DYRK4: variants seen among roughly 807,000 people sequenced by gnomAD.
DYRK4 encodes the protein dual specificity tyrosine phosphorylation regulated kinase 4.
DYRK4 carries 64 observed loss-of-function variants against 68.3 expected under a neutral mutation model. The ratio of observed to expected loss-of-function variants is 0.94; its 90% CI spans 0.77 to 1.15. DYRK4 has a LOEUF of 1.15. Among genes scored for constraint, DYRK4 ranks in the 50% most tolerant of loss-of-function variants. The pLI, the probability that DYRK4 is intolerant of heterozygous loss-of-function variation, is 0.00. For missense variants in DYRK4, 740 were observed against 764.7 expected (o/e 0.97, Z 0.38); for synonymous variants, 274 against 289.9 (o/e 0.95, Z 0.56).
chr12:4,565,233 G>A (rs1944664762), intron 1 of DYRK4, among the ~76,000 whole-genome samples: 1 of 152,224 alleles, frequency 6.6e-6, no homozygotes, highest in South Asian at 2.1e-4. Flanking sequence ...AAGTTGTACT[G>A]TTGGAAGCCA....
intron 4 of DYRK4, chr12:4,590,806 C>T: frequency 2.5e-6 from 1 of 401,200 alleles, no homozygotes; most frequent in Non-Finnish European, 4.3e-6. Context: ...AGAGGCGTCA[C>T]ACACACATAA....
At position 4,612,536 on chromosome 12, in the gene DYRK4, G is replaced by T. The variant is rs769779939; in HGVS notation, c.1491-7G>T. On this transcript the variant is annotated splice_polypyrimidine_tract_variant and splice_region_variant and intron_variant, in intron 13 of 14. Coordinates refer to ENST00000543431, the MANE Select transcript of DYRK4 (RefSeq NM_001394779.1). ...AATAACCCATGTGGGGCTTTGTTGG[G>T]GTGCAGATGGGAACCTTCTCTTCGC... 2.5e-6 allele frequency: 4 copies of T among 1,611,522 alleles called. No individual in the cohort carries two copies. The African/African-American group carries it at 4.0e-5, about 16-fold the overall frequency.
rs528271511 is a variant in DYRK4, at chr12:4,591,501, C to T, written c.463+203C>T. On this transcript the variant is annotated intron_variant, in intron 5 of 14. Transcript: ENST00000543431. The surrounding 1 kb of genome is among the most constrained non-coding windows in gnomAD (Gnocchi z 4.1). The stretch of plus-strand genomic sequence containing the variant: ...GAGGCTGAATAGGAGGCTGAATTTC[C>T]CCCAAGGAGTGGCTCTGGGCAAGGG... 33 of 681,628 alleles carry T rather than the reference C, an allele frequency of 4.8e-5. No individual in the cohort carries two copies. The Admixed American group carries it at 7.3e-4, about 15-fold the overall frequency. 42.2% of individuals were successfully genotyped at this position (681,628 alleles called of 1,614,324 possible).
At chr12:4,563,618 A>C (rs1182874540) in intron 1 of DYRK4, among the ~76,000 whole-genome samples, 1 of 152,364 alleles carries the variant, frequency 6.6e-6, no homozygotes, top group East Asian at 1.9e-4. Context: ...TTGAGATCAC[A>C]AAGAACTGGA....
rs59643333 is a variant in DYRK4 at position 4,605,755 on chromosome 12, T to TTC, written c.1299+669_1299+670insTC. On this transcript the variant is annotated intron_variant, in intron 11 of 14. Coordinates refer to ENST00000543431, the MANE Select transcript of DYRK4 (RefSeq NM_001394779.1). ...TTTTTTTTTTTTTTTTTTTTTTTTT[T>TTC]CCAAATTAATGCCTATACCCATAGG... Among the ~76,000 whole-genome samples the TTC allele has an allele frequency of 5.9e-4, 60 of 102,300 alleles. 1 individual carries two copies. The highest frequency in any genetic ancestry group is 4.1e-3 in the Admixed American group (39 of 9,488). The allele number at this position is 102,300 out of a possible 152,430, so 67.1% of individuals were successfully genotyped here. A position where few individuals can be genotyped will look rare whatever the true frequency, so the allele number is the denominator to read the frequency against.
rs112159539 is a variant in DYRK4, at chr12:4,613,441, A to G, written c.1667-74A>G. ...GGTCATCGTTTCCACTAAGTGATGT[A>G]CAACCTAAAGGACAATTAACATATA... On this transcript the variant is annotated intron_variant, in intron 14 of 14. Transcript: ENST00000543431. The surrounding 1 kb of genome is among the most constrained non-coding windows in gnomAD (Gnocchi z 4.0). The G allele has an allele frequency of 9.2e-6, 14 of 1,521,646 alleles. No individual in the cohort carries two copies. In the South Asian group the frequency reaches 1.4e-4, roughly 16 times the overall value. The allele number at this position is 1,521,646 out of a possible 1,614,324, so 94.3% of individuals were successfully genotyped here.
chr12:4,586,659 C>T (rs780985313), intron 2 of DYRK4, among the ~76,000 whole-genome samples: 14 of 151,648 alleles, frequency 9.2e-5, no homozygotes, highest in Non-Finnish European at 1.9e-4. Context: ...GCCACCAGTC[C>T]TCGGGGTCAC....
chr12:4,599,108 T>C lies in DYRK4; in HGVS notation c.986T>C (p.Val329Ala), dbSNP rs1186515069. The C allele has an allele frequency of 6.2e-7, 1 of 1,614,092 alleles. No homozygotes were observed. Among genetic ancestry groups the C allele is most frequent in the Non-Finnish European group, 8.5e-7 (1 of 1,180,022 alleles). The change falls in exon 9 of 15, where the codon GTT becomes GCT. Residue 329 changes from valine (V) to alanine (A), a missense_variant. Physicochemically the swap from Val to Ala is moderately conservative, Grantham distance 64. This residue lies in a region of DYRK4 where 614 missense variants were observed against 603.7 expected (regional missense o/e 1.02). Transcript: ENST00000543431. ...ATAGTTCGGCGCTTCACTCTCTCTG[T>C]TTTGAAGTGCTTGCAGATGCTTTCG... ...LSIVRRFTLS[V>A]LKCLQMLSVE...
chr12:4,589,798 G>A (rs1041605854), intron 3 of DYRK4, among the ~76,000 whole-genome samples: 11 of 152,160 alleles, frequency 7.2e-5, no homozygotes, highest in African/African-American at 2.7e-4. Context: ...CAGTCAATCA[G>A]TCAGTGCAGG....
intron 6 of DYRK4, among the ~76,000 whole-genome samples, chr12:4,593,696 G>A (rs1944983279): frequency 6.6e-6 from 1 of 152,118 alleles, no homozygotes; most frequent in Non-Finnish European, 1.5e-5. Context: ...GTAGCCCTTG[G>A]CTTCCCCAGG....
chr12:4,604,736 C>A (rs1945120306), intron 10 of DYRK4, 178 bp from the exon 11 acceptor site: 2 of 306,258 alleles, frequency 6.5e-6, no homozygotes, highest in Admixed American at 6.5e-5. Context: ...CCTTTATAAT[C>A]AGGTTGCTGG....
intron 2 of DYRK4, chr12:4,573,307 T>C (rs568279169): frequency 7.4e-5 from 95 of 1,289,312 alleles, no homozygotes; most frequent in Non-Finnish European, 9.2e-5. Flanking sequence ...GAGTTTTACA[T>C]AGTTTTCCCC....
intron 6 of DYRK4, among the ~76,000 whole-genome samples, chr12:4,594,802 C>A (rs1348840621): frequency 1.3e-5 from 2 of 151,720 alleles, no homozygotes; most frequent in Admixed American, 1.3e-4. Flanking sequence ...CATTCCAGTA[C>A]ACACACAAAT....
At chr12:4,597,417 C>T (rs967096906) in intron 8 of DYRK4, among the ~76,000 whole-genome samples, 5 of 152,210 alleles carry the variant, frequency 3.3e-5, no homozygotes, top group Non-Finnish European at 5.9e-5. Flanking sequence ...CCATTGCTGA[C>T]GATGAAATTC....
intron 8 of DYRK4, among the ~76,000 whole-genome samples, 169 bp from the exon 9 acceptor site, chr12:4,598,859 C>T (rs969880219): frequency 4.6e-5 from 7 of 152,286 alleles, no homozygotes; most frequent in African/African-American, 1.2e-4. Flanking sequence ...GCGCCCACCA[C>T]GATTCAGTGG....
intron 11 of DYRK4, among the ~76,000 whole-genome samples, chr12:4,606,804 G>A (rs1184793465): frequency 6.6e-6 from 1 of 152,192 alleles, no homozygotes; most frequent in South Asian, 2.1e-4. Flanking sequence ...CGAGCAGCAA[G>A]GGCAGGTGAC....
chr12:4,591,527 C>T lies in DYRK4; in HGVS notation c.463+229C>T, dbSNP rs1164042015. ...CCCAAGGAGTGGCTCTGGGCAAGGG[C>T]GGGATGTACCAATGCAGACAGAAGG... On this transcript the variant is annotated intron_variant, in intron 5 of 14. Transcript: ENST00000543431. This position sits in a 1 kb window ranked among gnomAD's most constrained non-coding sequence, Gnocchi z 4.1. The T allele has an allele frequency of 2.8e-5, 15 of 536,404 alleles. No individual in the cohort carries two copies. Among genetic ancestry groups the T allele is most frequent in the African/African-American group, 5.6e-5 (3 of 53,104 alleles). The allele number at this position is 536,404 out of a possible 1,614,324, so 33.2% of individuals were successfully genotyped here. A position where few individuals can be genotyped will look rare whatever the true frequency, so the allele number is the denominator to read the frequency against.
intron 1 of DYRK4, chr12:4,564,403 A>G (rs1944656800): frequency 6.6e-6 from 1 of 152,120 alleles, no homozygotes; most frequent in African/African-American, 2.4e-5. Flanking sequence ...ATCCCTGCAA[A>G]CCCTGCACTG....
intron 3 of DYRK4, 158 bp from the exon 4 acceptor site, chr12:4,590,172 T>C: frequency 7.2e-7 from 1 of 1,391,510 alleles, no homozygotes; most frequent in East Asian, 2.8e-5. Flanking sequence ...CTCTGGAATC[T>C]GCATTTCTTG....
Sources: allele counts gnomAD v4.1 joint callset (sites outside exome capture counted in the v4.1 genomes callset), GRCh38; gene constraint gnomAD v4.1.1; regional missense constraint gnomAD v4.1.1; non-coding constraint Gnocchi (gnomAD v3.1); transcripts MANE v1.5; gene names NCBI Gene and HGNC (gene_info 2026-07-23, HGNC 2026-07-21).